Variants in MRTFA observed in about 807,000 individuals in gnomAD.
MRTFA encodes the protein myocardin-related transcription factor A.
In MRTFA, 20 loss-of-function variants were observed where a neutral mutation model predicts 83.5. The ratio of observed to expected loss-of-function variants is 0.24; its 90% confidence interval spans 0.17 to 0.35. MRTFA has a LOEUF of 0.35. Among genes scored for constraint, MRTFA ranks in the 10% least tolerant of loss-of-function variants. The probability of loss-of-function intolerance (pLI) is 1.00; values close to 1 mark genes in which losing one functional copy is unlikely to be tolerated. For synonymous variants in MRTFA, 659 were observed against 541.2 expected (o/e 1.22, Z -3.02); for missense variants, 1,200 against 1,224.7 (o/e 0.98, Z 0.30).
In MRTFA at chr22:40,411,500, C is replaced by T. The variant is rs1221072944; in HGVS notation, c.2986G>A (p.Gly996Ser). The T allele has an allele frequency of 6.2e-7, 1 of 1,611,462 alleles. No individual in the cohort carries two copies. The highest frequency in any genetic ancestry group is 1.1e-5 in the South Asian group (1 of 90,966). The change falls in exon 15 of 15, where the codon GGT becomes AGT. Residue 996 changes from glycine to serine, a missense_variant. Physicochemically the swap from Gly to Ser is moderately conservative, Grantham distance 56. Transcript: ENST00000355630. The stretch of plus-strand genomic sequence containing the variant: ...GGGGCTAGGCTCAGCACGGGACCAC[C>T]TGACGACAGCTCCAGCCAGTCCATG...
chr22:40,526,031 T>A (rs559630263), intron 3 of MRTFA, among the ~76,000 whole-genome samples: 1 of 151,752 alleles, frequency 6.6e-6, no homozygotes, highest in East Asian at 1.9e-4. Flanking sequence ...TTTTTTTTTT[T>A]AAGAGACATG....
At chr22:40,461,913 C>T (rs1290235680) in intron 4 of MRTFA, among the ~76,000 whole-genome samples, 1 of 152,222 alleles carries the variant, frequency 6.6e-6, no homozygotes, top group African/African-American at 2.4e-5. Flanking sequence ...CTCTCTCCAC[C>T]ATGCCCCAGC....
chr22:40,443,679 A>G (rs1238702903), intron 4 of MRTFA, among the ~76,000 whole-genome samples: 1 of 152,200 alleles, frequency 6.6e-6, no homozygotes, highest in Non-Finnish European at 1.5e-5. Flanking sequence ...TGGTGGTCTC[A>G]TTCCCACCTC....
rs778511999 is a variant in MRTFA at position 40,418,904 on chromosome 22, G to T, written c.1834C>A (p.Pro612Thr). 15 of 1,612,642 alleles carry T rather than the reference G, an allele frequency of 9.3e-6. No homozygotes were observed. In the South Asian group the frequency reaches 1.5e-4, roughly 17 times the overall value. The change falls in exon 12 of 15, where the codon CCT (proline) becomes ACT (threonine). Residue 612 changes from proline to threonine, a missense_variant. Physicochemically the swap from Pro to Thr is conservative, Grantham distance 38. Around this residue, in one of 2 missense-constraint regions of MRTFA, gnomAD observed 1,107 missense variants for 1,041.8 expected, o/e 1.06. Coordinates refer to ENST00000355630, the MANE Select transcript of MRTFA (RefSeq NM_020831.6). ...CCCTCTAGCTCCGCCCGCCCCCCAG[G>T]GCTCAGGCAACAGGACCCGGCCCGG...
At chr22:40,622,880 G>T (rs1188750945) in intron 1 of MRTFA, among the ~76,000 whole-genome samples, 1 of 152,190 alleles carries the variant, frequency 6.6e-6, no homozygotes, top group Non-Finnish European at 1.5e-5. Flanking sequence ...TTGGAAGAGG[G>T]TGATTATGGT....
chr22:40,412,132 ACT>A (rs1351301583), intron 14 of MRTFA: 2 of 386,482 alleles, frequency 5.2e-6, no homozygotes, highest in Admixed American at 4.6e-5. Context: ...AACTTCTAAA[ACT>A]CAACAACAAA....
At chr22:40,493,845 A>G (rs1239720967) in intron 3 of MRTFA, among the ~76,000 whole-genome samples, 1 of 152,252 alleles carries the variant, frequency 6.6e-6, no homozygotes, top group African/African-American at 2.4e-5. Context: ...ATACATCCAC[A>G]TAAAGAACTG....
intron 3 of MRTFA, among the ~76,000 whole-genome samples, chr22:40,478,244 T>G (rs1004643489): frequency 6.6e-6 from 1 of 152,176 alleles, no homozygotes; most frequent in African/African-American, 2.4e-5. Context: ...TATCCTAGAT[T>G]GGATCTGGGA....
At chr22:40,452,440 T>C (rs2053511242) in intron 4 of MRTFA, among the ~76,000 whole-genome samples, 1 of 152,206 alleles carries the variant, frequency 6.6e-6, no homozygotes, top group Non-Finnish European at 1.5e-5. Flanking sequence ...GCCTTGGATA[T>C]CTCAGATTCT....
At chr22:40,456,537 A>G (rs1324722495) in intron 4 of MRTFA, among the ~76,000 whole-genome samples, 1 of 152,074 alleles carries the variant, frequency 6.6e-6, no homozygotes, top group Non-Finnish European at 1.5e-5. Flanking sequence ...ATAATACAAA[A>G]ACTAGCTGGA....
intron 3 of MRTFA, among the ~76,000 whole-genome samples, chr22:40,467,644 C>T (rs557188441): frequency 2.3e-4 from 35 of 151,962 alleles, no homozygotes; most frequent in African/African-American, 8.0e-4. Context: ...CCACTCTCAC[C>T]GAGAAATATC....
chr22:40,606,287 A>C (rs1202915724), intron 1 of MRTFA, among the ~76,000 whole-genome samples: 2 of 152,256 alleles, frequency 1.3e-5, no homozygotes, highest in Non-Finnish European at 2.9e-5. Context: ...CATGTGGCCA[A>C]ATAATCTTAA....
chr22:40,462,727 T>C (rs932065849), intron 4 of MRTFA, among the ~76,000 whole-genome samples: 1 of 152,338 alleles, frequency 6.6e-6, no homozygotes, highest in South Asian at 2.1e-4. Context: ...TACTCAGCCA[T>C]GCTCACGCCC....
chr22:40,619,401 CAG>C (rs1446661336), intron 1 of MRTFA, among the ~76,000 whole-genome samples: 4 of 152,058 alleles, frequency 2.6e-5, no homozygotes, highest in African/African-American at 9.7e-5. Context: ...TGGAAACTAA[CAG>C]AAAGACGATC....
chr22:40,541,769 C>T (rs1000773498), intron 3 of MRTFA, among the ~76,000 whole-genome samples: 1 of 151,854 alleles, frequency 6.6e-6, no homozygotes, highest in Non-Finnish European at 1.5e-5. Flanking sequence ...CGGGTTCAAG[C>T]GATTCTCTTG....
At chr22:40,463,158 C>T in intron 4 of MRTFA, 63 bp downstream of exon 4, 1 of 1,374,254 alleles carries the variant, frequency 7.3e-7, no homozygotes, top group Non-Finnish European at 1.0e-6. Context: ...CCATGGCATA[C>T]TCGGTGAACA....
At chr22:40,573,654 GA>G (rs2055829163) in intron 2 of MRTFA, among the ~76,000 whole-genome samples, 1 of 151,890 alleles carries the variant, frequency 6.6e-6, no homozygotes, top group African/African-American at 2.4e-5. Flanking sequence ...TGTAATTCCA[GA>G]ACTTTGGGAG....
At position 40,420,505 on chromosome 22, in the gene MRTFA, G is replaced by A. The variant is rs553457892; in HGVS notation, c.1253C>T (p.Ser418Phe). Residue 418 changes from serine (S) to phenylalanine (F), a missense_variant, in exon 11 of 15, where the codon TCC becomes TTC. Coordinates refer to ENST00000355630, the MANE Select transcript of MRTFA (RefSeq NM_020831.6). ...ACAGGGCCCAGGGGCGCCCGAGCTG[G>A]AGCTGCTATTGGTAGTGGAGAGGCT... 9.9e-6 allele frequency: 16 copies of A among 1,613,812 alleles called. No homozygotes were observed. The East Asian group carries it at 3.3e-4, about 34-fold the overall frequency.
intron 1 of MRTFA, among the ~76,000 whole-genome samples, chr22:40,619,484 C>A (rs184889437): frequency 6.6e-6 from 1 of 152,152 alleles, no homozygotes; most frequent in East Asian, 1.9e-4. Flanking sequence ...AATTTTTAAG[C>A]AAGGAATTTG....
Sources: allele counts gnomAD v4.1 joint callset (sites outside exome capture counted in the v4.1 genomes callset), GRCh38; gene constraint gnomAD v4.1.1; regional missense constraint gnomAD v4.1.1; transcripts MANE v1.5; gene names NCBI Gene and HGNC (gene_info 2026-07-23, HGNC 2026-07-21).